VARS2: variants seen among roughly 807,000 people sequenced by gnomAD.
VARS2 encodes valyl-tRNA synthetase 2, mitochondrial, also known as valine--tRNA ligase, mitochondrial.
VARS2 carries 105 observed loss-of-function variants against 154.1 expected under a neutral mutation model. The observed-to-expected ratio is 0.68, with a 90% confidence interval of 0.58 to 0.80. The LOEUF (loss-of-function observed/expected upper bound fraction) is 0.80, where lower values mean the gene tolerates loss of function less well. Among genes scored for constraint, VARS2 ranks in the 30% least tolerant of loss-of-function variants. The pLI is 0.00. For missense variants in VARS2, 1,157 were observed against 1,361.4 expected (o/e 0.85, Z 2.36); for synonymous variants, 483 against 539.5 (o/e 0.90, Z 1.45).
chr6:30,915,812 T>C lies in VARS2; in HGVS notation c.451T>C (p.Ser151Pro), dbSNP rs150863068. 1.8e-4 allele frequency: 294 copies of C among 1,614,068 alleles called. No individual in the cohort carries two copies. The African/African-American group carries it at 3.7e-3, about 20-fold the overall frequency. ...MCIPPPNVTG[S>P]LHIGHALTVA... is the part of the protein sequence containing the mutation. ...TATCCCACCTCCCAATGTCACTGGC[T>C]CCCTGCACATTGGCCACGCACTCAC... The change falls in exon 5 of 30, where the codon TCC becomes CCC. Residue 151 changes from serine (S) to proline (P), a missense_variant. Physicochemically the swap from Ser to Pro is moderately conservative, Grantham distance 74 (BLOSUM62 -1). Coordinates refer to ENST00000676266, the MANE Select transcript of VARS2 (RefSeq NM_020442.6).
Position 30,922,255 on chromosome 6 carries a change from A to T in VARS2, c.1932+14A>T, listed in dbSNP as rs748500169. The T allele has an allele frequency of 1.2e-6, 2 of 1,607,552 alleles. No homozygotes were observed. Among genetic ancestry groups the T allele is most frequent in the Non-Finnish European group, 1.7e-6 (2 of 1,177,500 alleles). ...CCCTTCAGCAAGGTAAGAGCCCTTC[A>T]GTGCCCTGCCGCTTTCTGTGACTCC... On this transcript the variant is annotated intron_variant, in intron 20 of 29. Coordinates refer to ENST00000676266, the MANE Select transcript of VARS2 (RefSeq NM_020442.6).
At position 30,915,405 on chromosome 6, in the gene VARS2, G is replaced by A; in HGVS notation, c.334G>A (p.Ala112Thr). 1 of 1,614,196 alleles carries A rather than the reference G, an allele frequency of 6.2e-7. No individual in the cohort carries two copies. Among genetic ancestry groups the A allele is most frequent in the Non-Finnish European group, 8.5e-7 (1 of 1,180,040 alleles). ...PAYSPRYVEAAWYPWWVREGF... is the reference protein window; with the variant it reads ...PAYSPRYVEATWYPWWVREGF... ...ATACAGCCCCCGATATGTTGAGGCT[G>A]CCTGGTACCCGTGGTGGGTACGAGA... is the stretch of plus-strand genomic sequence containing the variant. The change falls in exon 4 of 30, where the codon GCC (alanine) becomes ACC (threonine). Residue 112 changes from alanine to threonine, a missense_variant. By Grantham distance (58) the Ala-to-Thr change is moderately conservative (BLOSUM62 0). Transcript: ENST00000676266.
Position 30,914,297 on chromosome 6 carries a change from C to G in VARS2, c.-75C>G, listed in dbSNP as rs1048943510. The G allele has an allele frequency of 7.5e-6, 8 of 1,067,188 alleles. No homozygotes were observed. Among genetic ancestry groups the G allele is most frequent in the Non-Finnish European group, 9.6e-6 (8 of 834,216 alleles). 66.1% of individuals were successfully genotyped at this position (1,067,188 alleles called of 1,614,324 possible). A position where few individuals can be genotyped will look rare whatever the true frequency, so the allele number is the denominator to read the frequency against. The stretch of plus-strand genomic sequence containing the variant: ...CCAGGGTCGGGTTTGGTGGATTCCT[C>G]AGTCCCTGCCGCCGCGGGGCGCCCT... On this transcript the variant is annotated 5_prime_UTR_variant, in exon 1 of 30. Transcript: ENST00000676266.
chr6:30,922,172 TCTG>T lies in VARS2; in HGVS notation c.1867_1869del (p.Leu623del). The stretch of plus-strand genomic sequence containing the variant: ...CACTTTTGGAAACGGGCAGCGACCT[TCTG>T]CTGTTCTGGGTGGGCCGCATGGTCA... On this transcript the variant is annotated inframe_deletion, in exon 20 of 30. Transcript: ENST00000676266. The T allele has an allele frequency of 2.5e-6, 4 of 1,612,702 alleles. No homozygotes were observed. The highest frequency in any genetic ancestry group is 3.4e-6 in the Non-Finnish European group (4 of 1,179,914).
At chr6:30,918,517 G>C (rs1013538876) in intron 10 of VARS2, among the ~76,000 whole-genome samples, 1 of 152,204 alleles carries the variant, frequency 6.6e-6, no homozygotes, top group Non-Finnish European at 1.5e-5. Flanking sequence ...AGAATCCCCA[G>C]TGTCCTCTGG....
chr6:30,916,261 G>A lies in VARS2; in HGVS notation c.671+12G>A. 1 of 1,606,402 alleles carries A rather than the reference G, an allele frequency of 6.2e-7. No individual in the cohort carries two copies. Among genetic ancestry groups the A allele is most frequent in the East Asian group, 2.2e-5 (1 of 44,704 alleles). ...CAGTGGAAGGAGGCGTGAGTATGAT[G>A]GGCAGGACTCGGGGGGCCCAGATGG... On this transcript the variant is annotated intron_variant, in intron 7 of 29. Transcript: ENST00000676266. The surrounding 1 kb of genome is among the most constrained non-coding windows in gnomAD (Gnocchi z 4.0).
chr6:30,926,291 G>C lies in VARS2; in HGVS notation c.*81G>C, dbSNP rs1794835290. Reference sequence around the variant, plus strand: ...ATTTGTCAGCTGTCAGGGTGCAGTGGGACGTCAGAGACTATGTGGTCCATC... The same window carrying C: ...ATTTGTCAGCTGTCAGGGTGCAGTGCGACGTCAGAGACTATGTGGTCCATC... On this transcript the variant is annotated 3_prime_UTR_variant, in exon 30 of 30. Transcript: ENST00000676266. The C allele has an allele frequency of 7.2e-7, 1 of 1,385,242 alleles. No individual in the cohort carries two copies. The allele number at this position is 1,385,242 out of a possible 1,614,324, so 85.8% of individuals were successfully genotyped here. A position where few individuals can be genotyped will look rare whatever the true frequency, so the allele number is the denominator to read the frequency against.
Position 30,916,875 on chromosome 6 carries a change from C to T in VARS2, c.672-3C>T. The T allele has an allele frequency of 6.2e-7, 1 of 1,614,086 alleles. No homozygotes were observed. Among genetic ancestry groups the T allele is most frequent in the Non-Finnish European group, 8.5e-7 (1 of 1,179,992 alleles). ...TTGCTGACAAGGATCTCTCTGGGCACAGGAAAGGTGGAGAGATCTGTGAGC... is the reference window on the plus strand; with the variant it reads ...TTGCTGACAAGGATCTCTCTGGGCATAGGAAAGGTGGAGAGATCTGTGAGC... On this transcript the variant is annotated splice_polypyrimidine_tract_variant and splice_region_variant and intron_variant, in intron 7 of 29. Coordinates refer to ENST00000676266, the MANE Select transcript of VARS2 (RefSeq NM_020442.6). The surrounding 1 kb of genome is among the most constrained non-coding windows in gnomAD (Gnocchi z 4.0).
In VARS2 at chr6:30,924,548, C is replaced by T. The variant is rs141162034; in HGVS notation, c.2661C>T (p.Ser887=). 57 of 1,530,942 alleles carry T rather than the reference C, an allele frequency of 3.7e-5. No individual in the cohort carries two copies. Among genetic ancestry groups the T allele is most frequent in the Middle Eastern group, 1.8e-4 (1 of 5,676 alleles). 94.8% of individuals were successfully genotyped at this position (1,530,942 alleles called of 1,614,324 possible). ...APSISVAPYP[S]ACSLEHWRQP... ...GCATCTCGGTTGCCCCCTACCCCAG[C>T]GCCTGCAGCTTGGTGAGTCCCAAGC... The change falls in exon 26 of 30, where the codon AGC becomes AGT. Residue 887 remains serine, a synonymous_variant. Transcript: ENST00000676266.
chr6:30,925,746 G>T, intron 28 of VARS2, 27 bp downstream of exon 28: 1 of 1,610,756 alleles, frequency 6.2e-7, no homozygotes, highest in African/African-American at 1.3e-5. Context: ...GGGAGGGTTA[G>T]GGCAGGCTTG....
rs201336919 is a variant in VARS2 at position 30,922,424 on chromosome 6, C to A, written c.1933-26C>A. On this transcript the variant is annotated intron_variant, in intron 20 of 29. Coordinates refer to ENST00000676266, the MANE Select transcript of VARS2 (RefSeq NM_020442.6). Reference sequence around the variant, plus strand: ...CCAAGGCACCTCCAAGGAAACCCCCCTCTGTTGACCCCTCCCTGCCCCCAG... The same window carrying A: ...CCAAGGCACCTCCAAGGAAACCCCCATCTGTTGACCCCTCCCTGCCCCCAG... 1,516 of 1,610,076 alleles carry A rather than the reference C, an allele frequency of 9.4e-4. 2 individuals are homozygous for A. Among genetic ancestry groups the A allele is most frequent in the African/African-American group, 1.8e-3 (137 of 74,956 alleles).
chr6:30,916,453 C>CGTGTGTGTGT lies in VARS2; in HGVS notation c.671+219_671+228dup, dbSNP rs28383826. The CGTGTGTGTGT allele has an allele frequency of 1.7e-4, 68 of 398,560 alleles. No homozygotes were observed. The East Asian group carries it at 2.5e-3, about 15-fold the overall frequency. 24.7% of individuals were successfully genotyped at this position (398,560 alleles called of 1,614,324 possible). A position where few individuals can be genotyped will look rare whatever the true frequency, so the allele number is the denominator to read the frequency against. On this transcript the variant is annotated intron_variant, in intron 7 of 29. Transcript: ENST00000676266. This position sits in a 1 kb window ranked among gnomAD's most constrained non-coding sequence, Gnocchi z 4.0. Reference sequence around the variant, plus strand: ...GATATTATATATGCATTAGAATATTCGTGTGTGTGTGTGTGTGTGTGTGTA... The same window carrying CGTGTGTGTGT: ...GATATTATATATGCATTAGAATATTCGTGTGTGTGTGTGTGTGTGTGTGTGTGTGTGTGTA...
chr6:30,924,253 C>T, intron 25 of VARS2, 101 bp from the exon 26 acceptor site: 1 of 1,232,552 alleles, frequency 8.1e-7, no homozygotes, highest in Admixed American at 1.7e-5. Context: ...CTGTCCCTCT[C>T]TCCCAGGACC....
chr6:30,924,636 G>T, intron 26 of VARS2, 76 bp downstream of exon 26: 2 of 766,148 alleles, frequency 2.6e-6, no homozygotes, highest in Non-Finnish European at 4.2e-6. Flanking sequence ...TGCTGCAGGG[G>T]GCTCATCTGC....
Position 30,921,126 on chromosome 6 carries a change from G to A in VARS2, c.1541G>A (p.Trp514Ter). 6.2e-7 allele frequency: 1 copy of A among 1,614,016 alleles called. No homozygotes were observed. The highest frequency in any genetic ancestry group is 8.5e-7 in the Non-Finnish European group (1 of 1,179,950). The change falls in exon 16 of 30, where the codon TGG (tryptophan) becomes TAG (stop). Residue 514 changes from tryptophan to a stop codon, truncating the protein, a stop_gained. Transcript: ENST00000676266. LOFTEE classifies it high-confidence loss of function. This position sits in a 1 kb window ranked among gnomAD's most constrained non-coding sequence, Gnocchi z 4.6. ...PSFHQKNWQH[W>*]FSHIGDWCVS... ...TTCCACCAGAAGAACTGGCAGCACTGGTTTTCCCATATTGGGTAAGGGTAG... is the reference window on the plus strand; with the variant it reads ...TTCCACCAGAAGAACTGGCAGCACTAGTTTTCCCATATTGGGTAAGGGTAG...
rs774341298 is a variant in VARS2 at position 30,921,587 on chromosome 6, A to G, written c.1633-2A>G. On this transcript the variant is annotated splice_acceptor_variant, in intron 17 of 29. Transcript: ENST00000676266. LOFTEE classifies it high-confidence loss of function. The surrounding 1 kb of genome is among the most constrained non-coding windows in gnomAD (Gnocchi z 4.6). ...CTCCCCAACCCCTTCCTACTTTTGC[A>G]GGGAGAAGAGGACTGTTGGGTGGTT... 9 of 1,602,764 alleles carry G rather than the reference A, an allele frequency of 5.6e-6. No individual in the cohort carries two copies. The highest frequency in any genetic ancestry group is 1.3e-5 in the African/African-American group (1 of 74,866).
rs1341206335 is a variant in VARS2 at position 30,919,822 on chromosome 6, A to G, written c.1139A>G (p.Tyr380Cys). The stretch of plus-strand genomic sequence containing the variant: ...CAGCCTCTTCCCCTCATCACAGACT[A>G]TGCTGTTCAGCCACATGTGGGCACG... The part of the protein sequence containing the change: ...MGQPLPLITD[Y>C]AVQPHVGTGA... The change falls in exon 12 of 30, where the codon TAT becomes TGT. Residue 380 changes from tyrosine (Y) to cysteine (C), a missense_variant. Coordinates refer to ENST00000676266, the MANE Select transcript of VARS2 (RefSeq NM_020442.6). This position sits in a 1 kb window ranked among gnomAD's most constrained non-coding sequence, Gnocchi z 4.5. The G allele has an allele frequency of 3.8e-6, 6 of 1,592,196 alleles. No homozygotes were observed. In the East Asian group the frequency reaches 1.1e-4, roughly 30 times the overall value.
In VARS2 at chr6:30,925,252, T is replaced by G; in HGVS notation, c.2674-22T>G. 3 of 1,597,472 alleles carry G rather than the reference T, an allele frequency of 1.9e-6. No homozygotes were observed. In the South Asian group the frequency reaches 3.4e-5, roughly 18 times the overall value. Reference sequence around the variant, plus strand: ...GTCTCCCAGGAGCCCCTTTGCCAATTCTGGGTCCCCCCCATTGCCAGGAGC... The same window carrying G: ...GTCTCCCAGGAGCCCCTTTGCCAATGCTGGGTCCCCCCCATTGCCAGGAGC... On this transcript the variant is annotated intron_variant, in intron 26 of 29. Coordinates refer to ENST00000676266, the MANE Select transcript of VARS2 (RefSeq NM_020442.6).
Position 30,923,486 on chromosome 6 carries a change from A to T in VARS2, c.2447A>T (p.Asn816Ile). 1.2e-6 allele frequency: 2 copies of T among 1,610,960 alleles called. No individual in the cohort carries two copies. The highest frequency in any genetic ancestry group is 1.7e-6 in the Non-Finnish European group (2 of 1,179,490). Residue 816 changes from asparagine (N) to isoleucine (I), a missense_variant, in exon 25 of 30, where the codon AAC becomes ATC. Asn to Ile is a moderately radical substitution (Grantham distance 149). Transcript: ENST00000676266. Reference protein sequence around the residue: ...THALHHFWLHNLCDVYLEAVK... With the variant: ...THALHHFWLHILCDVYLEAVK... The stretch of plus-strand genomic sequence containing the variant: ...GCCCTGCACCACTTCTGGCTTCACA[A>T]CCTCTGTGACGTCTACCTGGTGAGT...
Sources: gnomAD v4.1 joint callset for allele counts (sites outside exome capture counted in the v4.1 genomes callset) on GRCh38, gnomAD v4.1.1 for gene constraint, Gnocchi (gnomAD v3.1) non-coding constraint, MANE v1.5 for transcripts, NCBI Gene and HGNC (gene_info 2026-07-23, HGNC 2026-07-21) for gene names.